SELENOM: variants seen among roughly 807,000 people sequenced by gnomAD.
SELENOM encodes selenoprotein SelM.
SELENOM carries 17 observed loss-of-function variants against 14.5 expected under a neutral mutation model. The observed-to-expected ratio is 1.17, with a 90% CI of 0.80 to 1.76. SELENOM has a LOEUF of 1.76. Among genes scored for constraint, SELENOM ranks in the 40% most tolerant of loss-of-function variants. The pLI is 0.00. For missense variants in SELENOM, 230 were observed against 204.6 expected (o/e 1.12, Z -0.76); for synonymous variants, 102 against 93.3 (o/e 1.09, Z -0.54).
chr22:31,105,476 C>T (rs1225145435), intron 3 of SELENOM, 182 bp downstream of exon 3: 2 of 810,824 alleles, frequency 2.5e-6, no homozygotes, highest in East Asian at 2.5e-5. Context: ...CATTCTGTGG[C>T]AGTCATCACT....
chr22:31,105,307 C>T (rs1421098501), intron 3 of SELENOM, 21 bp from the exon 4 acceptor site: 7 of 1,599,580 alleles, frequency 4.4e-6, no homozygotes, highest in Non-Finnish European at 6.0e-6. Flanking sequence ...TGTTAAGGAG[C>T]GGGGTGGTGG....
In SELENOM at chr22:31,106,001, T is replaced by G. The variant is rs768481721; in HGVS notation, c.130-36A>C. ...ATAAAATGGGATAGGTCAGGAGTCC[T>G]TCACGTTTATTCCAGTCACATCCCC... On this transcript the variant is annotated intron_variant, in intron 1 of 4. Coordinates refer to ENST00000400299, the MANE Select transcript of SELENOM (RefSeq NM_080430.4). 6.9e-6 allele frequency: 11 copies of G among 1,592,596 alleles called. No individual in the cohort carries two copies. The South Asian group carries it at 1.2e-4, about 18-fold the overall frequency.
intron 1 of SELENOM, 83 bp downstream of exon 1, chr22:31,107,294 C>T (rs931501950): frequency 6.8e-7 from 1 of 1,474,490 alleles, no homozygotes; most frequent in Admixed American, 2.3e-5. Flanking sequence ...TCGAGGTGGT[C>T]TTGGGGCCGG....
At position 31,104,957 on chromosome 22, in the gene SELENOM, C is replaced by G. The variant is rs1468530962; in HGVS notation, c.*13G>C. On this transcript the variant is annotated 3_prime_UTR_variant, in exon 5 of 5. Transcript: ENST00000400299. Reference sequence around the variant, plus strand: ...TCAGGCAGGTAGGTCCCAGCTCCGCCGCGCCCCCGGACCTACAGGTCAGCG... The same window carrying G: ...TCAGGCAGGTAGGTCCCAGCTCCGCGGCGCCCCCGGACCTACAGGTCAGCG... The G allele has an allele frequency of 6.5e-7, 1 of 1,547,418 alleles. No individual in the cohort carries two copies. The highest frequency in any genetic ancestry group is 1.2e-5 in the South Asian group (1 of 81,532).
rs774719462 is a variant in SELENOM, at chr22:31,104,932, T to A, written c.*38A>T. ...GAGCGCTTCATTCTGTCTCCAGGAC[T>A]CAGGCAGGTAGGTCCCAGCTCCGCC... On this transcript the variant is annotated 3_prime_UTR_variant, in exon 5 of 5. Transcript: ENST00000400299. 2.6e-6 allele frequency: 4 copies of A among 1,521,294 alleles called. No homozygotes were observed. Among genetic ancestry groups the A allele is most frequent in the East Asian group, 4.6e-5 (2 of 43,642 alleles). The allele number at this position is 1,521,294 out of a possible 1,614,324, so 94.2% of individuals were successfully genotyped here.
intron 1 of SELENOM, 30 bp from the exon 2 acceptor site, chr22:31,105,995 G>A (rs11705054): frequency 0.04 from 63,765 of 1,607,454 alleles, 1,505 homozygotes; most frequent in Middle Eastern, 0.087. Flanking sequence ...GATAGGTCAG[G>A]AGTCCTTCAC....
intron 1 of SELENOM, chr22:31,107,144 G>A (rs1029546826): frequency 1.1e-5 from 6 of 537,630 alleles, no homozygotes; most frequent in Non-Finnish European, 2.0e-5. Flanking sequence ...GGACCGGGTA[G>A]GGGGAGCTGG....
rs1313911138 is a variant in SELENOM at position 31,105,086 on chromosome 22, G to A, written c.322C>T (p.Leu108=). 1.3e-5 allele frequency: 21 copies of A among 1,613,148 alleles called. No homozygotes were observed. Among genetic ancestry groups the A allele is most frequent in the Non-Finnish European group, 1.7e-5 (20 of 1,179,830 alleles). ...CGGTAGAAGCCGAGCTCCTGCACTA[G>A]CGCATTGATCTCTTCGCGGGTCATT... The part of the protein sequence containing the change: ...SEMTREEINA[L]VQELGFYRKA... Residue 108 remains leucine (L), a synonymous_variant, in exon 5 of 5, where the codon CTA becomes TTA. Coordinates refer to ENST00000400299, the MANE Select transcript of SELENOM (RefSeq NM_080430.4).
chr22:31,105,220 G>A lies in SELENOM; in HGVS notation c.267C>T (p.Tyr89=), dbSNP rs200537716. 9 of 1,613,196 alleles carry A rather than the reference G, an allele frequency of 5.6e-6. No homozygotes were observed. In the Admixed American group the frequency reaches 6.7e-5, roughly 12 times the overall value. The change falls in exon 4 of 5, where the codon TAC becomes TAT. Residue 89 remains tyrosine (Y), a synonymous_variant. Transcript: ENST00000400299. ...CCCACGGCCTCACCTCTAGTTCCTC[G>A]TAGCGGCGGCCCAGCAGCACGAGCT... is the stretch of plus-strand genomic sequence containing the variant. The part of the protein sequence containing the change: ...DPELVLLGRR[Y]EELERIPLSE...
In SELENOM at chr22:31,107,549, C is replaced by G. The variant is rs768851841; in HGVS notation, c.-44G>C. 8 of 1,482,218 alleles carry G rather than the reference C, an allele frequency of 5.4e-6. No homozygotes were observed. The highest frequency in any genetic ancestry group is 3.9e-5 in the South Asian group (3 of 77,476). The allele number at this position is 1,482,218 out of a possible 1,614,324, so 91.8% of individuals were successfully genotyped here. A position where few individuals can be genotyped will look rare whatever the true frequency, so the allele number is the denominator to read the frequency against. On this transcript the variant is annotated 5_prime_UTR_variant, in exon 1 of 5. Transcript: ENST00000400299. ...GATGCGCAAGCTGGAGGCGAACCTC[C>G]GAGTCGCTGCGCCACGTCTGGGCCC... is the stretch of plus-strand genomic sequence containing the variant.
At position 31,104,834 on chromosome 22, in the gene SELENOM, C is replaced by T. The variant is rs1248805717; in HGVS notation, c.*136G>A. ...AAGGAAGAAAGTGGGGTTGGGAGAA[C>T]CTCCCCAACCCCATCCCTGCTGGCC... On this transcript the variant is annotated 3_prime_UTR_variant, in exon 5 of 5. Transcript: ENST00000400299. 16 of 941,184 alleles carry T rather than the reference C, an allele frequency of 1.7e-5. No homozygotes were observed. Among genetic ancestry groups the T allele is most frequent in the Non-Finnish European group, 3.0e-6 (2 of 671,110 alleles). 58.3% of individuals were successfully genotyped at this position (941,184 alleles called of 1,614,324 possible).
Position 31,105,934 on chromosome 22 carries a change from T to C in SELENOM, c.161A>G (p.Lys54Arg). 1 of 1,613,990 alleles carries C rather than the reference T, an allele frequency of 6.2e-7. No individual in the cohort carries two copies. Among genetic ancestry groups the C allele is most frequent in the Non-Finnish European group, 8.5e-7 (1 of 1,179,886 alleles). The change falls in exon 2 of 5, where the codon AAG becomes AGG. Residue 54 changes from lysine to arginine, a missense_variant. Transcript: ENST00000400299. ...TCGGUQLNRL[K>R]EVKAFVTQDI... ...GACCTCTTCCTTCAAACTCACCTCCTTTAGGCGGTTCAGCTGTCATCCCCC... is the reference window on the plus strand; with the variant it reads ...GACCTCTTCCTTCAAACTCACCTCCCTTAGGCGGTTCAGCTGTCATCCCCC...
Position 31,104,934 on chromosome 22 carries a change from A to T in SELENOM, c.*36T>A, listed in dbSNP as rs373618405. ...GCGCTTCATTCTGTCTCCAGGACTC[A>T]GGCAGGTAGGTCCCAGCTCCGCCGC... On this transcript the variant is annotated 3_prime_UTR_variant, in exon 5 of 5. Coordinates refer to ENST00000400299, the MANE Select transcript of SELENOM (RefSeq NM_080430.4). 5.3e-6 allele frequency: 8 copies of T among 1,523,014 alleles called. No individual in the cohort carries two copies. Among genetic ancestry groups the T allele is most frequent in the Non-Finnish European group, 7.0e-6 (8 of 1,138,938 alleles). The allele number at this position is 1,523,014 out of a possible 1,614,324, so 94.3% of individuals were successfully genotyped here. A position where few individuals can be genotyped will look rare whatever the true frequency, so the allele number is the denominator to read the frequency against.
chr22:31,105,081 CA>C lies in SELENOM; in HGVS notation c.326del (p.Val109GlyfsTer?), dbSNP rs1294270714. ...EMTREEINAL[V>X]QELGFYRKAA... ...CCTTGCGGTAGAAGCCGAGCTCCTG[CA>C]CTAGCGCATTGATCTCTTCGCGGGT... On this transcript the variant is annotated frameshift_variant, in exon 5 of 5. Transcript: ENST00000400299. LOFTEE classifies it high-confidence loss of function. The C allele has an allele frequency of 6.2e-7, 1 of 1,612,990 alleles. No homozygotes were observed. The highest frequency in any genetic ancestry group is 1.3e-5 in the African/African-American group (1 of 74,922).
At chr22:31,106,117 T>C in intron 1 of SELENOM, 152 bp from the exon 2 acceptor site, 1 of 711,516 alleles carries the variant, frequency 1.4e-6, no homozygotes, top group South Asian at 1.6e-5. Context: ...TGCTGGACCC[T>C]TGTGGGCAGA....
intron 1 of SELENOM, chr22:31,106,432 C>T (rs2044406265): frequency 5.7e-6 from 1 of 176,590 alleles, no homozygotes; most frequent in Admixed American, 5.8e-5. Flanking sequence ...ACAGGCAGAC[C>T]TCACCCTGCC....
In SELENOM at chr22:31,105,640, C is replaced by A. The variant is rs772173012; in HGVS notation, c.200+18G>T. 1 of 1,613,650 alleles carries A rather than the reference C, an allele frequency of 6.2e-7. No homozygotes were observed. Among genetic ancestry groups the A allele is most frequent in the Non-Finnish European group, 8.5e-7 (1 of 1,179,590 alleles). On this transcript the variant is annotated intron_variant, in intron 3 of 4. Transcript: ENST00000400299. ...CAGGTGCCCATCCCATTTCCCCTCC[C>A]CCAGAACAGAAGGATACTAGAATGG...
chr22:31,105,623 C>A (rs1472728216), intron 3 of SELENOM, 35 bp downstream of exon 3: 1 of 1,607,394 alleles, frequency 6.2e-7, no homozygotes, highest in Non-Finnish European at 8.5e-7. Flanking sequence ...CCCAGGTGCC[C>A]ATCCCATTTC....
At chr22:31,106,004 A>G in intron 1 of SELENOM, 39 bp from the exon 2 acceptor site, 1 of 1,593,790 alleles carries the variant, frequency 6.3e-7, no homozygotes, top group Non-Finnish European at 8.6e-7. Context: ...GGAGTCCTTC[A>G]CGTTTATTCC....
Sources: gnomAD v4.1 joint callset for allele counts on GRCh38, gnomAD v4.1.1 for gene constraint, MANE v1.5 for transcripts, NCBI Gene and HGNC (gene_info 2026-07-23, HGNC 2026-07-21) for gene names.